PTBP3: variants seen among roughly 807,000 people sequenced by gnomAD.
PTBP3 encodes the protein polypyrimidine tract-binding protein 3.
In PTBP3, 20 loss-of-function variants were observed where a neutral mutation model predicts 58.7. That is an observed-to-expected ratio of 0.34 (90% confidence interval 0.24 to 0.50). The LOEUF (loss-of-function observed/expected upper bound fraction) is 0.50, where lower values mean the gene tolerates loss of function less well. Ranked by LOEUF, PTBP3 falls within the 20% of genes least tolerant of loss-of-function variation. The pLI is 0.98. For synonymous variants in PTBP3, 185 were observed against 219.8 expected (o/e 0.84, Z 1.40); for missense variants, 509 against 637.2 (o/e 0.80, Z 2.17).
rs190735520 is a variant in PTBP3 at position 112,238,765 on chromosome 9, C to G, written c.803-3868G>C. On this transcript the variant is annotated intron_variant, in intron 7 of 13. Transcript: ENST00000374257. ...ATACCACAGAATGGTATCTTTAATA[C>G]GCTGAAAGAAAAAATACCTGTCAAC... Among the ~76,000 whole-genome samples the G allele has an allele frequency of 3.9e-4, 60 of 152,016 alleles. No homozygotes were observed. The East Asian group carries it at 8.5e-3, about 22-fold the overall frequency.
At chr9:112,361,588 CTT>C in the PTBP3 span, among the ~76,000 whole-genome samples, 1 of 152,040 alleles carries the variant, frequency 6.6e-6, no homozygotes, top group African/African-American at 2.4e-5. Flanking sequence ...CTATAGAAAA[CTT>C]TGTTATTTTT....
Position 112,331,119 on chromosome 9 carries a change from ACACACAC to A in PTBP3, c.-52+2344_-52+2350del, listed in dbSNP as rs1376393312. Among the ~76,000 whole-genome samples the A allele has an allele frequency of 5.3e-5, 8 of 151,024 alleles. No individual in the cohort carries two copies. The East Asian group carries it at 1.6e-3, about 30-fold the overall frequency. ...CACACACACACACACACACACACAC[ACACACAC>A]GAGAGACAGTTGGGATTTGAGGAGG... On this transcript the variant is annotated intron_variant, in intron 1 of 13. Coordinates refer to ENST00000374257, the MANE Select transcript of PTBP3 (RefSeq NM_001163788.4).
At chr9:112,240,590 T>TA (rs1589811216) in intron 7 of PTBP3, among the ~76,000 whole-genome samples, 1 of 151,634 alleles carries the variant, frequency 6.6e-6, no homozygotes, top group East Asian at 1.9e-4. Flanking sequence ...TATACTTTTA[T>TA]TATATAGTAT....
At chr9:112,225,546 T>C (rs889722673) in intron 12 of PTBP3, among the ~76,000 whole-genome samples, 5 of 152,208 alleles carry the variant, frequency 3.3e-5, no homozygotes, top group Non-Finnish European at 7.3e-5. Flanking sequence ...GACTGTACAC[T>C]TAAAAATAGT....
At chr9:112,231,091 T>C (rs1398938866) in intron 10 of PTBP3, among the ~76,000 whole-genome samples, 1 of 150,212 alleles carries the variant, frequency 6.7e-6, no homozygotes, top group Non-Finnish European at 1.5e-5. Context: ...TTGCCCTCCC[T>C]TTCTGCCTGG....
the PTBP3 span, among the ~76,000 whole-genome samples, chr9:112,358,249 G>A: frequency 2.6e-5 from 4 of 152,124 alleles, no homozygotes; most frequent in African/African-American, 7.2e-5. Flanking sequence ...GGCAGAGGTT[G>A]CAGTGAGTAG....
At chr9:112,224,631 G>GT (rs1834914311) in intron 12 of PTBP3, among the ~76,000 whole-genome samples, 1 of 152,170 alleles carries the variant, frequency 6.6e-6, no homozygotes. Context: ...CTGAATGTGT[G>GT]TATGTGGCTG....
In PTBP3 at chr9:112,220,777, G is replaced by T. The variant is rs1834779877; in HGVS notation, c.*3074C>A. On this transcript the variant is annotated 3_prime_UTR_variant, in exon 14 of 14. Transcript: ENST00000374257. ...AATCATTTTGGTGTAATTCGCTACT[G>T]TTAAATGTGTACTGCTATTTTTTAA... The T allele has an allele frequency of 2.0e-6, 2 of 982,438 alleles. No homozygotes were observed. Among genetic ancestry groups the T allele is most frequent in the Non-Finnish European group, 2.4e-6 (2 of 827,292 alleles). The allele number at this position is 982,438 out of a possible 1,614,324, so 60.9% of individuals were successfully genotyped here. A position where few individuals can be genotyped will look rare whatever the true frequency, so the allele number is the denominator to read the frequency against.
At chr9:112,321,528 G>GAAAA (rs34348679) in intron 1 of PTBP3, among the ~76,000 whole-genome samples, 1 of 143,256 alleles carries the variant, frequency 7.0e-6, no homozygotes, top group Non-Finnish European at 1.5e-5. Flanking sequence ...GACGTAGTCT[G>GAAAA]AAAAAAAAAA....
chr9:112,291,202 A>G (rs1589875136), intron 2 of PTBP3, among the ~76,000 whole-genome samples: 3 of 150,780 alleles, frequency 2.0e-5, no homozygotes. Context: ...AGACTGGGCA[A>G]CAAGAGCACA....
At chr9:112,367,753 T>C in the PTBP3 span, among the ~76,000 whole-genome samples, 10 of 152,214 alleles carry the variant, frequency 6.6e-5, no homozygotes, top group Admixed American at 4.6e-4. Flanking sequence ...GATTTGATTA[T>C]AATGGGCCTC....
Position 112,221,005 on chromosome 9 carries a change from C to CT in PTBP3, c.*2845dup, listed in dbSNP as rs899242771. On this transcript the variant is annotated 3_prime_UTR_variant, in exon 14 of 14. Transcript: ENST00000374257. Reference sequence around the variant, plus strand: ...TTCCACCATCCTGATATTTTTTAATCTTTTTTTTACAAAAACTATGCCAAC... The same window carrying CT: ...TTCCACCATCCTGATATTTTTTAATCTTTTTTTTTACAAAAACTATGCCAAC... 65 of 974,482 alleles carry CT rather than the reference C, an allele frequency of 6.7e-5. No homozygotes were observed. In the East Asian group the frequency reaches 8.0e-4, roughly 12 times the overall value. 60.4% of individuals were successfully genotyped at this position (974,482 alleles called of 1,614,324 possible).
At chr9:112,251,177 A>G (rs1836100617) in intron 6 of PTBP3, 74 bp from the exon 7 acceptor site, 1 of 1,240,978 alleles carries the variant, frequency 8.1e-7, no homozygotes, top group Admixed American at 2.8e-5. Flanking sequence ...TACTTTGACA[A>G]AGAGTGGCAA....
the PTBP3 span, among the ~76,000 whole-genome samples, chr9:112,350,921 C>T: frequency 5.9e-5 from 9 of 152,220 alleles, no homozygotes; most frequent in East Asian, 1.4e-3. Flanking sequence ...GCCCCAGCCT[C>T]CCGAGTAGTT....
intron 1 of PTBP3, among the ~76,000 whole-genome samples, chr9:112,311,952 C>A (rs1217460738): frequency 6.6e-6 from 1 of 151,902 alleles, no homozygotes. Context: ...ATAGTGAAAT[C>A]CCACATCTTT....
chr9:112,243,747 G>C (rs1169426158), intron 7 of PTBP3, among the ~76,000 whole-genome samples: 1 of 152,148 alleles, frequency 6.6e-6, no homozygotes, highest in African/African-American at 2.4e-5. Flanking sequence ...AAACAAAACA[G>C]TAATGATACT....
the PTBP3 span, among the ~76,000 whole-genome samples, chr9:112,356,857 T>A: frequency 1.4e-5 from 2 of 146,882 alleles, no homozygotes; most frequent in African/African-American, 5.0e-5. Context: ...TCAGAGCAGG[T>A]GTATATTCAT....
At chr9:112,275,590 A>G (rs1827573949) in intron 3 of PTBP3, among the ~76,000 whole-genome samples, 1 of 152,198 alleles carries the variant, frequency 6.6e-6, no homozygotes, top group Admixed American at 6.5e-5. Flanking sequence ...AATTAAAAAC[A>G]AATTTAAAAA....
At chr9:112,375,750 C>T in the PTBP3 span, among the ~76,000 whole-genome samples, 9 of 152,266 alleles carry the variant, frequency 5.9e-5, 1 homozygote, top group South Asian at 4.1e-4. Context: ...CTGCTGTGCA[C>T]GACCCACTTT....
Sources: gnomAD v4.1 joint callset for allele counts (sites outside exome capture counted in the v4.1 genomes callset) on GRCh38, gnomAD v4.1.1 for gene constraint, MANE v1.5 for transcripts, NCBI Gene and HGNC (gene_info 2026-07-23, HGNC 2026-07-21) for gene names.